SASH1: variants seen among roughly 807,000 people sequenced by gnomAD.
SASH1 encodes SAM and SH3 domain-containing protein 1.
Under a neutral mutation model 125.2 loss-of-function variants are expected in SASH1, and 44 were observed. That is an observed-to-expected ratio of 0.35 (90% confidence interval 0.28 to 0.45). The LOEUF (loss-of-function observed/expected upper bound fraction) is 0.45. Ranked by LOEUF, SASH1 falls within the 20% of genes least tolerant of loss-of-function variation. SASH1 has a pLI of 1.00. For missense variants in SASH1, 1,426 were observed against 1,614.5 expected, an observed-to-expected ratio of 0.88 and a Z score of 2.00; for synonymous variants, 639 against 649.1, an observed-to-expected ratio of 0.98 and a Z score of 0.24.
At chr6:148,545,709 TAAGATA>T (rs1164282616) in intron 18 of SASH1, among the ~76,000 whole-genome samples, 4 of 152,186 alleles carry the variant, frequency 2.6e-5, no homozygotes, top group Non-Finnish European at 5.9e-5. Flanking sequence ...ATCAGTACTT[TAAGATA>T]AAGATGTAAA....
chr6:148,345,558 C>G (rs1562337943), intron 1 of SASH1, among the ~76,000 whole-genome samples: 1 of 152,086 alleles, frequency 6.6e-6, no homozygotes, highest in Non-Finnish European at 1.5e-5. Flanking sequence ...GCTTACTGCT[C>G]CTTTGTAGAT....
chr6:148,301,445 T>G (rs1779942527), intron 1 of SASH1, among the ~76,000 whole-genome samples: 1 of 152,134 alleles, frequency 6.6e-6, no homozygotes, highest in South Asian at 2.1e-4. Flanking sequence ...TTTGTATTTT[T>G]GGTAGAGACA....
intron 1 of SASH1, among the ~76,000 whole-genome samples, chr6:148,323,003 C>CTCTT (rs138250466): frequency 0.22 from 30,715 of 138,922 alleles, 3,663 homozygotes; most frequent in East Asian, 0.34. Flanking sequence ...CTCTCTCTCT[C>CTCTT]TCTTTCTTTC....
At chr6:148,494,509 GA>G (rs1198113052) in intron 8 of SASH1, among the ~76,000 whole-genome samples, 1 of 152,054 alleles carries the variant, frequency 6.6e-6, no homozygotes, top group African/African-American at 2.4e-5. Context: ...TTTGTGCAAA[GA>G]ATGTTATACA....
intron 2 of SASH1, among the ~76,000 whole-genome samples, chr6:148,431,762 C>T (rs557869289): frequency 1.1e-4 from 16 of 151,820 alleles, no homozygotes; most frequent in African/African-American, 3.1e-4. Context: ...ATGGAGTCAA[C>T]GCTTGGACTC....
chr6:148,418,222 A>G (rs1021476213), intron 2 of SASH1, among the ~76,000 whole-genome samples: 15 of 152,166 alleles, frequency 9.9e-5, no homozygotes, highest in African/African-American at 3.4e-4. Flanking sequence ...CCACTTGCAT[A>G]TAGTTATTTA....
At chr6:148,494,208 T>C (rs949568832) in intron 8 of SASH1, among the ~76,000 whole-genome samples, 4 of 152,208 alleles carry the variant, frequency 2.6e-5, no homozygotes, top group African/African-American at 9.6e-5. Flanking sequence ...GGTCATTTGA[T>C]GGCAATCTTA....
exon 1 of SASH1, chr6:148,272,363 G>A: frequency 1.3e-5 from 6 of 470,808 alleles, no homozygotes; most frequent in Middle Eastern, 6.5e-4. Context: ...CTTCATGGAG[G>A]AACAAGATTG....
intron 4 of SASH1, among the ~76,000 whole-genome samples, chr6:148,452,423 T>C (rs766551033): frequency 2.0e-5 from 3 of 152,164 alleles, no homozygotes; most frequent in Non-Finnish European, 4.4e-5. Flanking sequence ...TCTTTTGTTT[T>C]CTGCTCCAGT....
At chr6:148,286,537 T>C (rs1327586574) in intron 1 of SASH1, among the ~76,000 whole-genome samples, 2 of 152,032 alleles carry the variant, frequency 1.3e-5, no homozygotes, top group Non-Finnish European at 2.9e-5. Flanking sequence ...AAGTTGGAGA[T>C]CCAAGTGTCA....
intron 11 of SASH1, 53 bp downstream of exon 11, chr6:148,525,418 C>T: frequency 7.5e-7 from 1 of 1,326,466 alleles, no homozygotes; most frequent in Non-Finnish European, 1.1e-6. Context: ...ATGAGGTTGA[C>T]AATAGTTCAC....
At chr6:148,237,988 C>T in the SASH1 span, among the ~76,000 whole-genome samples, 5 of 152,130 alleles carry the variant, frequency 3.3e-5, no homozygotes, top group Admixed American at 3.3e-4. Flanking sequence ...ATAGCACACC[C>T]TGAAAATGGG....
intron 2 of SASH1, among the ~76,000 whole-genome samples, chr6:148,411,196 A>T (rs1047446011): frequency 8.1e-6 from 1 of 123,762 alleles, no homozygotes; most frequent in Non-Finnish European, 1.7e-5. Context: ...AAAAAAAAAA[A>T]GGCCTTCCAG....
chr6:148,391,542 G>A (rs1783731509), intron 2 of SASH1, among the ~76,000 whole-genome samples: 1 of 149,686 alleles, frequency 6.7e-6, no homozygotes, highest in Admixed American at 6.7e-5. Flanking sequence ...CTTGAGACTT[G>A]TCATCACCAT....
chr6:148,446,088 C>CTTTTTTTTT (rs576798745), intron 4 of SASH1, among the ~76,000 whole-genome samples: 3 of 71,008 alleles, frequency 4.2e-5, no homozygotes, highest in African/African-American at 5.3e-5. Flanking sequence ...ACATAGGGTT[C>CTTTTTTTTT]TTTTTTTTTT....
chr6:148,302,298 C>A (rs1779980212), intron 1 of SASH1, among the ~76,000 whole-genome samples: 1 of 91,768 alleles, frequency 1.1e-5, no homozygotes. Context: ...GGCGACAGAG[C>A]AAGACTCCGT....
chr6:148,212,593 A>T, the SASH1 span, among the ~76,000 whole-genome samples: 1 of 152,298 alleles, frequency 6.6e-6, no homozygotes. Flanking sequence ...AAATACGTGT[A>T]TATCTGATTA....
At chr6:148,391,883 T>C (rs1447096251) in intron 2 of SASH1, among the ~76,000 whole-genome samples, 2 of 152,200 alleles carry the variant, frequency 1.3e-5, no homozygotes, top group Non-Finnish European at 2.9e-5. Context: ...AAGAAAATGT[T>C]CAACCCTCTG....
intron 1 of SASH1, among the ~76,000 whole-genome samples, chr6:148,352,375 T>A (rs1159663661): frequency 2.0e-5 from 3 of 151,960 alleles, no homozygotes; most frequent in Non-Finnish European, 4.4e-5. Flanking sequence ...AGGCGGTGGA[T>A]CACCTAAAGT....
Sources: allele counts gnomAD v4.1 joint callset (sites outside exome capture counted in the v4.1 genomes callset), GRCh38; gene constraint gnomAD v4.1.1; transcripts MANE v1.5; gene names NCBI Gene and HGNC (gene_info 2026-07-23, HGNC 2026-07-21).